Variants in HS6ST3 observed in about 807,000 individuals in gnomAD.
The protein encoded by HS6ST3 is heparan sulfate 6-O-sulfotransferase 3.
In HS6ST3, 12 loss-of-function variants were observed where a neutral mutation model predicts 36.7. That is an observed-to-expected ratio of 0.33 (90% confidence interval 0.21 to 0.53). The LOEUF is 0.53. HS6ST3 is among the 20% of genes least tolerant of loss of function. The pLI is 0.95. For synonymous variants in HS6ST3, 240 were observed against 257.5 expected (o/e 0.93, Z 0.65); for missense variants, 584 against 640.9 (o/e 0.91, Z 0.96).
At chr13:96,231,724 G>C (rs2054509198) in intron 1 of HS6ST3, among the ~76,000 whole-genome samples, 1 of 152,124 alleles carries the variant, frequency 6.6e-6, no homozygotes, top group Non-Finnish European at 1.5e-5. Context: ...AGTTTGAGTA[G>C]CAAGAAAGTA....
chr13:96,291,373 A>G (rs918314657), intron 1 of HS6ST3, among the ~76,000 whole-genome samples: 2 of 152,168 alleles, frequency 1.3e-5, no homozygotes, highest in Admixed American at 1.3e-4. Flanking sequence ...TTGTGTAGAA[A>G]CAGAGTGAGG....
chr13:96,391,576 G>A (rs1388837526), intron 1 of HS6ST3, among the ~76,000 whole-genome samples: 1 of 152,074 alleles, frequency 6.6e-6, no homozygotes, highest in African/African-American at 2.4e-5. Context: ...TGAGACTGGG[G>A]GAAAAGAAAA....
At chr13:96,790,627 A>G (rs1877764725) in intron 1 of HS6ST3, among the ~76,000 whole-genome samples, 1 of 152,020 alleles carries the variant, frequency 6.6e-6, no homozygotes, top group African/African-American at 2.4e-5. Flanking sequence ...CACAAATATG[A>G]TTTTCCATCT....
At chr13:96,447,681 G>A (rs2055705842) in intron 1 of HS6ST3, among the ~76,000 whole-genome samples, 2 of 152,050 alleles carry the variant, frequency 1.3e-5, no homozygotes, top group South Asian at 4.1e-4. Flanking sequence ...AGGGTGGGAG[G>A]GCCAGTTTTT....
At chr13:96,210,715 T>G (rs2054394894) in intron 1 of HS6ST3, among the ~76,000 whole-genome samples, 1 of 151,784 alleles carries the variant, frequency 6.6e-6, no homozygotes, top group African/African-American at 2.4e-5. Flanking sequence ...TGCCTCAGCC[T>G]TTCGAGTAGG....
intron 1 of HS6ST3, among the ~76,000 whole-genome samples, chr13:96,647,577 C>T (rs1317368555): frequency 2.0e-5 from 3 of 152,020 alleles, no homozygotes; most frequent in Admixed American, 6.6e-5. Context: ...TGGGAAACCA[C>T]ATTGACCATT....
chr13:96,389,536 T>G (rs1296504024), intron 1 of HS6ST3, among the ~76,000 whole-genome samples: 1 of 152,166 alleles, frequency 6.6e-6, no homozygotes, highest in Non-Finnish European at 1.5e-5. Flanking sequence ...AACACACTGA[T>G]AGGGAGACCT....
chr13:96,687,761 T>A (rs1384312991), intron 1 of HS6ST3, among the ~76,000 whole-genome samples: 1 of 151,898 alleles, frequency 6.6e-6, no homozygotes, highest in Non-Finnish European at 1.5e-5. Flanking sequence ...AGACTCTCCA[T>A]CTTTTTAGGC....
rs1299294426 is a variant in HS6ST3, at chr13:96,835,796, A to G, written c.*2598A>G. The G allele has an allele frequency of 6.6e-6, 1 of 152,192 alleles. No individual in the cohort carries two copies. The highest frequency in any genetic ancestry group is 2.4e-5 in the African/African-American group (1 of 41,442). The allele number at this position is 152,192 out of a possible 1,614,324, so 9.4% of individuals were successfully genotyped here. A position where few individuals can be genotyped will look rare whatever the true frequency, so the allele number is the denominator to read the frequency against. On this transcript the variant is annotated 3_prime_UTR_variant, in exon 2 of 2. Coordinates refer to ENST00000376705, the MANE Select transcript of HS6ST3 (RefSeq NM_153456.4). Reference sequence around the variant, plus strand: ...CACGCTGTTCCTTAGGCACCTCGGGATTGGTATCAAAGGCTTCCACTGCCT... The same window carrying G: ...CACGCTGTTCCTTAGGCACCTCGGGGTTGGTATCAAAGGCTTCCACTGCCT...
chr13:96,327,170 G>A (rs1353273329), intron 1 of HS6ST3, among the ~76,000 whole-genome samples: 2 of 150,802 alleles, frequency 1.3e-5, no homozygotes, highest in African/African-American at 4.9e-5. Context: ...CTGTGCAGAA[G>A]CTCTTTAGTT....
chr13:96,539,257 C>T (rs908849409), intron 1 of HS6ST3, among the ~76,000 whole-genome samples: 1 of 152,190 alleles, frequency 6.6e-6, no homozygotes, highest in Admixed American at 6.5e-5. Flanking sequence ...CACTAGTGTT[C>T]TCTGTAAACC....
intron 1 of HS6ST3, among the ~76,000 whole-genome samples, chr13:96,601,345 T>C (rs1009644937): frequency 2.0e-5 from 3 of 152,058 alleles, no homozygotes; most frequent in Admixed American, 2.0e-4. Context: ...CTTTTTTGTT[T>C]GTTTGATTGG....
chr13:96,810,724 C>T (rs1193083367), intron 1 of HS6ST3, among the ~76,000 whole-genome samples: 5 of 152,108 alleles, frequency 3.3e-5, no homozygotes, highest in Admixed American at 6.6e-5. Flanking sequence ...ATGATTTGCC[C>T]TGAGTGTGGG....
At chr13:96,490,769 C>A (rs144157581) in intron 1 of HS6ST3, among the ~76,000 whole-genome samples, 7 of 152,278 alleles carry the variant, frequency 4.6e-5, no homozygotes, top group African/African-American at 1.7e-4. Flanking sequence ...CTTTTCACAG[C>A]ACTTGCAGGG....
intron 1 of HS6ST3, among the ~76,000 whole-genome samples, chr13:96,112,358 C>T (rs1251298680): frequency 6.6e-6 from 1 of 151,366 alleles, no homozygotes; most frequent in Non-Finnish European, 1.5e-5. Flanking sequence ...ATTTATGTTC[C>T]TTGGAAAGAA....
chr13:96,237,957 G>C (rs1001692348), intron 1 of HS6ST3, among the ~76,000 whole-genome samples: 1 of 152,072 alleles, frequency 6.6e-6, no homozygotes, highest in East Asian at 1.9e-4. Context: ...TCCTACCCCT[G>C]TACCTTCTCT....
chr13:96,807,079 T>C (rs1878211658), intron 1 of HS6ST3, among the ~76,000 whole-genome samples: 1 of 152,172 alleles, frequency 6.6e-6, no homozygotes, highest in Non-Finnish European at 1.5e-5. Context: ...CTCTGGAAAG[T>C]GGAAATGACA....
At position 96,090,407 on chromosome 13, in the gene HS6ST3, G is replaced by A. The variant is rs2053754610; in HGVS notation, c.-456G>A. The stretch of plus-strand genomic sequence containing the variant: ...GCGGGCCGCGCCTTCGCCCTTGGCC[G>A]GCGCCCTGGCGAGCCTCATGCAGCC... On this transcript the variant is annotated 5_prime_UTR_variant, in exon 1 of 2. Coordinates refer to ENST00000376705, the MANE Select transcript of HS6ST3 (RefSeq NM_153456.4). 1.4e-5 allele frequency among the ~76,000 whole-genome samples: 2 copies of A among 146,246 alleles called. No individual in the cohort carries two copies. Among genetic ancestry groups the A allele is most frequent in the African/African-American group, 4.9e-5 (2 of 40,844 alleles).
chr13:96,379,591 G>A (rs1594767092), intron 1 of HS6ST3, among the ~76,000 whole-genome samples: 1 of 152,142 alleles, frequency 6.6e-6, no homozygotes, highest in Admixed American at 6.5e-5. Flanking sequence ...TTATTCAAAC[G>A]GATTTTACAT....
Sources: allele counts gnomAD v4.1 joint callset (sites outside exome capture counted in the v4.1 genomes callset), GRCh38; gene constraint gnomAD v4.1.1; transcripts MANE v1.5; gene names NCBI Gene and HGNC (gene_info 2026-07-23, HGNC 2026-07-21).